Variants in HELZ observed in about 807,000 individuals in gnomAD.
HELZ encodes the protein ATP-dependent RNA helicase with zinc finger domain.
Under a neutral mutation model 218.2 loss-of-function variants are expected in HELZ, and 23 were observed. That is an observed-to-expected ratio of 0.11 (90% CI 0.08 to 0.15). HELZ has a LOEUF of 0.15. HELZ is among the 10% of genes least tolerant of loss of function. The pLI is 1.00. For synonymous variants in HELZ, 814 were observed against 829.4 expected (o/e 0.98, Z 0.32); for missense variants, 1,813 against 2,353.7 (o/e 0.77, Z 4.75).
chr17:67,147,248 G>T (rs185217822), intron 20 of HELZ, among the ~76,000 whole-genome samples: 1 of 152,020 alleles, frequency 6.6e-6, no homozygotes, highest in Non-Finnish European at 1.5e-5. Flanking sequence ...TGCCCCTGTG[G>T]TGTTATTTTA....
At chr17:67,220,848 C>CT (rs1371441467) in intron 3 of HELZ, among the ~76,000 whole-genome samples, 1 of 122,490 alleles carries the variant, frequency 8.2e-6, no homozygotes, top group Non-Finnish European at 1.6e-5. Flanking sequence ...ATTAAGATAA[C>CT]TCCCCCCCCC....
At chr17:67,123,855 A>AAG (rs925944457) in intron 25 of HELZ, 108 bp downstream of exon 25, 2 of 626,582 alleles carry the variant, frequency 3.2e-6, no homozygotes, top group Non-Finnish European at 5.6e-6. Flanking sequence ...GTCAGAGAGA[A>AAG]AGAGAGAGAG....
At chr17:67,177,288 T>G (rs2039487589) in intron 13 of HELZ, among the ~76,000 whole-genome samples, 1 of 152,140 alleles carries the variant, frequency 6.6e-6, no homozygotes, top group Non-Finnish European at 1.5e-5. Context: ...TCTACAATTT[T>G]GTAGGGTTTC....
At chr17:67,244,693 A>C in intron 1 of HELZ, 1 of 982,080 alleles carries the variant, frequency 1.0e-6, no homozygotes, top group Non-Finnish European at 1.2e-6. Context: ...CCCCCACCCC[A>C]CCCGGTGGAA....
chr17:67,128,482 T>C (rs2037872707), intron 24 of HELZ, 169 bp downstream of exon 24: 1 of 663,650 alleles, frequency 1.5e-6, no homozygotes, highest in Non-Finnish European at 2.7e-6. Flanking sequence ...CACCATACTG[T>C]ATTTTCACTT....
chr17:67,195,614 TG>T, intron 7 of HELZ, 144 bp from the exon 8 acceptor site: 1 of 588,056 alleles, frequency 1.7e-6, no homozygotes, highest in Non-Finnish European at 3.1e-6. Flanking sequence ...CAATGATTTT[TG>T]TTTTTTTCTA....
intron 21 of HELZ, among the ~76,000 whole-genome samples, chr17:67,142,933 ATT>A (rs1053885693): frequency 6.6e-6 from 1 of 150,908 alleles, no homozygotes. Context: ...ATTTTTTTGT[ATT>A]TTTTTTGTAG....
chr17:67,158,901 G>A (rs1010979501), intron 17 of HELZ, among the ~76,000 whole-genome samples: 20 of 152,030 alleles, frequency 1.3e-4, no homozygotes, highest in African/African-American at 4.8e-4. Flanking sequence ...CAGCTCTACA[G>A]CCCCAAGTGT....
In HELZ at chr17:67,203,090, C is replaced by G. The variant is rs72838450; in HGVS notation, c.372+229G>C. Among the ~76,000 whole-genome samples, 444 of 151,804 alleles carry G rather than the reference C, an allele frequency of 2.9e-3. 3 individuals carry two copies. Among genetic ancestry groups the G allele is most frequent in the Non-Finnish European group, 3.0e-3 (204 of 67,942 alleles). On this transcript the variant is annotated intron_variant, in intron 6 of 32. Coordinates refer to ENST00000358691, the MANE Select transcript of HELZ (RefSeq NM_014877.4). ...TGTGCAGTGATCACACCACTTTACT[C>G]AGCCTAGACAACAGACTGACACCTT...
intron 5 of HELZ, among the ~76,000 whole-genome samples, chr17:67,204,427 G>A (rs1432990499): frequency 2.6e-5 from 4 of 152,046 alleles, no homozygotes; most frequent in African/African-American, 9.7e-5. Context: ...TACAATGATT[G>A]TAACTGATGC....
intron 7 of HELZ, among the ~76,000 whole-genome samples, chr17:67,196,363 A>T (rs2040028223): frequency 6.6e-6 from 1 of 152,200 alleles, no homozygotes; most frequent in Non-Finnish European, 1.5e-5. Context: ...CAATTTCAAC[A>T]AAGCGCCAAC....
chr17:67,148,231 C>A (rs1014914706), intron 20 of HELZ, among the ~76,000 whole-genome samples: 1 of 152,104 alleles, frequency 6.6e-6, no homozygotes, highest in Non-Finnish European at 1.5e-5. Context: ...ATGGAGGACA[C>A]CCAGCTGGTG....
At chr17:67,084,546 C>G (rs2036297548) in intron 32 of HELZ, among the ~76,000 whole-genome samples, 1 of 151,842 alleles carries the variant, frequency 6.6e-6, no homozygotes, top group South Asian at 2.1e-4. Flanking sequence ...GCCTGTAGTC[C>G]CAGCTACGCG....
rs769963401 is a variant in HELZ, at chr17:67,177,927, T to C, written c.1430+732A>G. Among the ~76,000 whole-genome samples, 4 of 152,150 alleles carry C rather than the reference T, an allele frequency of 2.6e-5. 1 individual carries two copies. Among genetic ancestry groups the C allele is most frequent in the Admixed American group, 6.5e-5 (1 of 15,274 alleles). ...TAAGGCATCCTGGAGAAGAAAAATATGCTGGTTCAGCTGTATTTAAAAGTA... is the reference window on the plus strand; with the variant it reads ...TAAGGCATCCTGGAGAAGAAAAATACGCTGGTTCAGCTGTATTTAAAAGTA... On this transcript the variant is annotated intron_variant, in intron 13 of 32. Transcript: ENST00000358691.
intron 3 of HELZ, among the ~76,000 whole-genome samples, chr17:67,227,188 C>T (rs1480247382): frequency 6.6e-6 from 1 of 150,550 alleles, no homozygotes; most frequent in Non-Finnish European, 1.5e-5. Flanking sequence ...CTAAATGTCA[C>T]ATTTGACTTT....
rs771353920 is a variant in HELZ, at chr17:67,223,751, C to T, written c.-18-4929G>A. On this transcript the variant is annotated intron_variant, in intron 3 of 32. Transcript: ENST00000358691. ...TGGGCGACAGAGCAAGACTCCCTCTCAAAGAAAAAAAAAATATCCAAACTT... is the reference window on the plus strand; with the variant it reads ...TGGGCGACAGAGCAAGACTCCCTCTTAAAGAAAAAAAAAATATCCAAACTT... Among the ~76,000 whole-genome samples the T allele has an allele frequency of 4.0e-5, 6 of 150,982 alleles. 1 individual carries two copies. Among genetic ancestry groups the T allele is most frequent in the Non-Finnish European group, 7.4e-5 (5 of 67,776 alleles).
chr17:67,189,950 T>C (rs1220443059), intron 10 of HELZ, among the ~76,000 whole-genome samples: 11 of 152,326 alleles, frequency 7.2e-5, no homozygotes, highest in African/African-American at 2.4e-4. Flanking sequence ...ATTAATACAG[T>C]ACAGGCAAAT....
chr17:67,218,863 T>G, intron 3 of HELZ, 41 bp from the exon 4 acceptor site: 1 of 1,416,572 alleles, frequency 7.1e-7, no homozygotes, highest in Non-Finnish European at 9.9e-7. Flanking sequence ...TTTTTTAAAC[T>G]TATTAATTAT....
chr17:67,145,141 C>G lies in HELZ; in HGVS notation c.2769+602G>C, dbSNP rs151184595. On this transcript the variant is annotated intron_variant, in intron 21 of 32. Transcript: ENST00000358691. The stretch of plus-strand genomic sequence containing the variant: ...TCCTCGGGCTTCCTGAAGTCCAGAA[C>G]TCAACTCCCTCCTGACGGACAGAAC... 2.0e-5 allele frequency among the ~76,000 whole-genome samples: 3 copies of G among 152,186 alleles called. No homozygotes were observed. In the South Asian group the frequency reaches 6.2e-4, roughly 32 times the overall value.
Sources: gnomAD v4.1 joint callset for allele counts (sites outside exome capture counted in the v4.1 genomes callset) on GRCh38, gnomAD v4.1.1 for gene constraint, MANE v1.5 for transcripts, NCBI Gene and HGNC (gene_info 2026-07-23, HGNC 2026-07-21) for gene names.